IMMP2L: variants seen among roughly 807,000 people sequenced by gnomAD.
The protein encoded by IMMP2L is inner mitochondrial membrane peptidase subunit 2, also known as mitochondrial inner membrane protease subunit 2.
A neutral mutation model predicts 19.3 loss-of-function variants in IMMP2L; 18 were observed. That is an observed-to-expected ratio of 0.93 (90% confidence interval 0.64 to 1.38). The LOEUF (loss-of-function observed/expected upper bound fraction) is 1.38. IMMP2L is among the 40% of genes most tolerant of loss of function. IMMP2L has a pLI of 0.00. For synonymous variants in IMMP2L, 76 were observed against 73.0 expected (o/e 1.04, Z -0.21); for missense variants, 233 against 218.2 (o/e 1.07, Z -0.43).
chr7:111,500,279 G>C (rs977393291), intron 2 of IMMP2L, among the ~76,000 whole-genome samples: 9 of 152,176 alleles, frequency 5.9e-5, no homozygotes, highest in Non-Finnish European at 1.3e-4. Flanking sequence ...CCATTGCCGA[G>C]GCTCGATTAG....
chr7:110,772,575 G>A (rs1799108161), intron 5 of IMMP2L, among the ~76,000 whole-genome samples: 1 of 152,120 alleles, frequency 6.6e-6, no homozygotes, highest in Admixed American at 6.5e-5. Context: ...CTGAGGAGTG[G>A]GCAAATCCTC....
intron 3 of IMMP2L, among the ~76,000 whole-genome samples, chr7:111,193,321 G>C (rs897206677): frequency 2.0e-5 from 3 of 152,100 alleles, no homozygotes; most frequent in African/African-American, 7.2e-5. Flanking sequence ...AGTGGGTTAA[G>C]ATGCTTCTTC....
intron 3 of IMMP2L, among the ~76,000 whole-genome samples, chr7:111,323,499 T>C (rs36198175): frequency 0.038 from 5,812 of 152,194 alleles, 172 homozygotes; most frequent in Non-Finnish European, 0.056. Flanking sequence ...CAAAAGCTGC[T>C]GGAGAAGATA....
intron 3 of IMMP2L, among the ~76,000 whole-genome samples, chr7:111,299,172 T>G (rs1821944248): frequency 6.6e-6 from 1 of 152,128 alleles, no homozygotes; most frequent in South Asian, 2.1e-4. Flanking sequence ...AGGGTACAGT[T>G]AAAAACACAC....
chr7:110,953,976 T>C (rs1262273093), intron 4 of IMMP2L, among the ~76,000 whole-genome samples: 1 of 152,176 alleles, frequency 6.6e-6, no homozygotes, highest in Admixed American at 6.6e-5. Flanking sequence ...TTTTGAGAAG[T>C]GTCTGTTCAT....
chr7:111,122,590 A>C, intron 3 of IMMP2L: 1 of 579,724 alleles, frequency 1.7e-6, no homozygotes, highest in Non-Finnish European at 3.1e-6. Flanking sequence ...TATGCATGAC[A>C]TTTTTGGACA....
intron 5 of IMMP2L, among the ~76,000 whole-genome samples, chr7:110,798,852 A>G (rs1168640589): frequency 6.6e-6 from 1 of 151,948 alleles, no homozygotes; most frequent in Non-Finnish European, 1.5e-5. Context: ...ACATATAGAA[A>G]CATACATATA....
At chr7:111,109,771 T>G (rs75322808) in intron 3 of IMMP2L, among the ~76,000 whole-genome samples, 5,135 of 152,300 alleles carry the variant, frequency 0.034, 119 homozygotes, top group African/African-American at 0.057. Flanking sequence ...CTGTGACTAC[T>G]ATCGCTGTTT....
intron 3 of IMMP2L, among the ~76,000 whole-genome samples, chr7:111,182,780 T>C (rs58799975): frequency 0.058 from 8,753 of 151,954 alleles, 516 homozygotes; most frequent in African/African-American, 0.14. Context: ...TATGGCACAA[T>C]GTAAGCAGAG....
chr7:111,500,111 C>T (rs984374601), intron 2 of IMMP2L, among the ~76,000 whole-genome samples: 4 of 152,142 alleles, frequency 2.6e-5, no homozygotes, highest in Non-Finnish European at 5.9e-5. Context: ...CACCCTAATA[C>T]TGCGCTTTTC....
intron 1 of IMMP2L, among the ~76,000 whole-genome samples, chr7:111,559,774 A>G (rs12705780): frequency 0.78 from 118,611 of 151,992 alleles, 47,920 homozygotes; most frequent in East Asian, 0.97. Flanking sequence ...ATTCTTTTAT[A>G]TATACTCTTT....
At chr7:110,775,249 CTGTGTGTGTG>C (rs56387151) in intron 5 of IMMP2L, among the ~76,000 whole-genome samples, 1,770 of 146,712 alleles carry the variant, frequency 0.012, 42 homozygotes, top group African/African-American at 0.04. Context: ...CTTAAGTCAG[CTGTGTGTGTG>C]TGTGTGTGTG....
chr7:111,306,987 G>C (rs723019), intron 3 of IMMP2L, among the ~76,000 whole-genome samples: 1 of 148,212 alleles, frequency 6.7e-6, no homozygotes, highest in African/African-American at 2.4e-5. Flanking sequence ...ATTCTATATA[G>C]ATATATATTA....
At chr7:111,154,862 A>T (rs1804471597) in intron 3 of IMMP2L, among the ~76,000 whole-genome samples, 1 of 152,022 alleles carries the variant, frequency 6.6e-6, no homozygotes, top group Admixed American at 6.6e-5. Flanking sequence ...GGTTGAAGTG[A>T]TCCTCTTGCA....
chr7:111,042,194 T>C (rs902683899), intron 3 of IMMP2L, among the ~76,000 whole-genome samples: 5 of 152,192 alleles, frequency 3.3e-5, no homozygotes, highest in Non-Finnish European at 1.5e-5. Context: ...TTTTTCTTTT[T>C]TTTGAGACTG....
intron 3 of IMMP2L, among the ~76,000 whole-genome samples, chr7:111,034,080 A>T (rs552019637): frequency 6.6e-6 from 1 of 152,308 alleles, no homozygotes; most frequent in African/African-American, 2.4e-5. Flanking sequence ...TTTTTATAAT[A>T]TATTGAAATG....
chr7:110,966,207 A>T (rs181112958), intron 3 of IMMP2L, among the ~76,000 whole-genome samples: 1 of 152,176 alleles, frequency 6.6e-6, no homozygotes, highest in Non-Finnish European at 1.5e-5. Flanking sequence ...CTGTAATAGC[A>T]GAGAGAGAAA....
intron 3 of IMMP2L, among the ~76,000 whole-genome samples, chr7:110,998,724 T>C (rs1411260132): frequency 6.6e-6 from 1 of 152,258 alleles, no homozygotes; most frequent in South Asian, 2.1e-4. Context: ...GAAGGAATGT[T>C]CCAAGTGATA....
At chr7:111,249,476 T>C (rs1198236015) in intron 3 of IMMP2L, among the ~76,000 whole-genome samples, 2 of 151,344 alleles carry the variant, frequency 1.3e-5, no homozygotes, top group African/African-American at 4.9e-5. Context: ...GAAATCACCG[T>C]CTTCTGCGTC....
Sources: gnomAD v4.1 joint callset for allele counts (sites outside exome capture counted in the v4.1 genomes callset) on GRCh38, gnomAD v4.1.1 for gene constraint, MANE v1.5 for transcripts, NCBI Gene and HGNC (gene_info 2026-07-23, HGNC 2026-07-21) for gene names.